The following IFI27L1 variants were observed in gnomAD, a reference collection of about 807,000 sequenced individuals.
IFI27L1 encodes the protein interferon alpha-inducible protein 27-like protein 1.
In IFI27L1, 3 loss-of-function variants were observed where a neutral mutation model predicts 9.2. The observed-to-expected ratio is 0.32, with a 90% CI of 0.15 to 0.84. The LOEUF (loss-of-function observed/expected upper bound fraction) is 0.84, where lower values mean the gene tolerates loss of function less well. Among genes scored for constraint, IFI27L1 ranks in the 40% least tolerant of loss-of-function variants. The probability of loss-of-function intolerance (pLI) is 0.56; values close to 1 mark genes in which losing one functional copy is unlikely to be tolerated. For synonymous variants in IFI27L1, 53 were observed against 50.0 expected (o/e 1.06, Z -0.26); for missense variants, 133 against 134.2 (o/e 0.99, Z 0.05).
chr14:94,100,661 TGGG>T, intron 2 of IFI27L1, 75 bp from the exon 3 acceptor site: 2 of 1,600,280 alleles, frequency 1.2e-6, no homozygotes, highest in Non-Finnish European at 1.7e-6. Flanking sequence ...GAATTTGAGA[TGGG>T]GGTATCAGAG....
chr14:94,084,637 A>G (rs779968104), intron 1 of IFI27L1, among the ~76,000 whole-genome samples: 2 of 152,204 alleles, frequency 1.3e-5, no homozygotes, highest in Non-Finnish European at 2.9e-5. Context: ...TGGGAAGCAT[A>G]TTACAGAAGC....
At chr14:94,097,734 A>C (rs1886725353) in intron 2 of IFI27L1, 3 of 701,406 alleles carry the variant, frequency 4.3e-6, no homozygotes, top group Admixed American at 2.0e-5. Context: ...TGTGGAGTCA[A>C]GGAGGACTCC....
At chr14:94,100,067 A>G (rs1469023045) in intron 2 of IFI27L1, among the ~76,000 whole-genome samples, 2 of 152,202 alleles carry the variant, frequency 1.3e-5, no homozygotes, top group Non-Finnish European at 2.9e-5. Flanking sequence ...CTGAGGGAAT[A>G]TGGGGCATAG....
chr14:94,095,310 T>A (rs913852313), intron 1 of IFI27L1, among the ~76,000 whole-genome samples: 1 of 151,986 alleles, frequency 6.6e-6, no homozygotes, highest in East Asian at 1.9e-4. Flanking sequence ...TAACTGGGAT[T>A]ATAGGTGCCA....
chr14:94,089,491 T>C (rs1488561008), intron 1 of IFI27L1, among the ~76,000 whole-genome samples: 1 of 152,208 alleles, frequency 6.6e-6, no homozygotes, highest in African/African-American at 2.4e-5. Flanking sequence ...TAATGAGCAA[T>C]GAGGATGACC....
At chr14:94,099,917 G>A (rs558291795) in intron 2 of IFI27L1, among the ~76,000 whole-genome samples, 3 of 152,292 alleles carry the variant, frequency 2.0e-5, no homozygotes, top group East Asian at 1.9e-4. Context: ...CAGGCTACAC[G>A]TGGCTCTTGA....
intron 1 of IFI27L1, among the ~76,000 whole-genome samples, chr14:94,083,311 A>C (rs1886173272): frequency 6.6e-6 from 1 of 152,272 alleles, no homozygotes; most frequent in Admixed American, 6.5e-5. Flanking sequence ...GTTTCTTGAG[A>C]TACAATCTAC....
At chr14:94,091,020 A>G (rs528788527) in intron 1 of IFI27L1, among the ~76,000 whole-genome samples, 10 of 152,384 alleles carry the variant, frequency 6.6e-5, no homozygotes, top group Non-Finnish European at 1.2e-4. Flanking sequence ...GGAAAAAGTC[A>G]GAAAGATTGG....
chr14:94,100,506 G>C (rs1388855183), intron 2 of IFI27L1: 2 of 985,322 alleles, frequency 2.0e-6, no homozygotes, highest in African/African-American at 1.7e-5. Context: ...CTGGGCAGAG[G>C]AGACAGGTGA....
intron 1 of IFI27L1, 137 bp from the exon 2 acceptor site, chr14:94,096,750 T>G (rs1209733607): frequency 4.4e-5 from 21 of 482,628 alleles, no homozygotes; most frequent in Middle Eastern, 7.8e-4. Flanking sequence ...TACTCAAAAG[T>G]GGGTTTACGG....
At chr14:94,090,274 GA>G (rs1188537495) in intron 1 of IFI27L1, among the ~76,000 whole-genome samples, 3 of 152,094 alleles carry the variant, frequency 2.0e-5, no homozygotes, top group Non-Finnish European at 2.9e-5. Flanking sequence ...CTAAATTGCA[GA>G]AAAAAACTCA....
At chr14:94,086,706 C>T (rs948701324) in intron 1 of IFI27L1, among the ~76,000 whole-genome samples, 7 of 152,124 alleles carry the variant, frequency 4.6e-5, no homozygotes, top group African/African-American at 1.7e-4. Flanking sequence ...CTTAGAAGAA[C>T]TTTTGCAAAT....
rs1567073734 is a variant in IFI27L1, at chr14:94,102,704, A to G, written c.*136A>G. The G allele has an allele frequency of 3.9e-6, 2 of 511,748 alleles. No homozygotes were observed. Among genetic ancestry groups the G allele is most frequent in the Non-Finnish European group, 6.8e-6 (2 of 293,320 alleles). 31.7% of individuals were successfully genotyped at this position (511,748 alleles called of 1,614,324 possible). ...AGCATGAAAAATAAAGATGCTGGTT[A>G]TCTTCTCCTAGTGTCGGTTCTCTGT... On this transcript the variant is annotated 3_prime_UTR_variant, in exon 5 of 5. Coordinates refer to ENST00000555523, the MANE Select transcript of IFI27L1 (RefSeq NM_206949.3).
chr14:94,092,799 T>C (rs1886526700), intron 1 of IFI27L1, among the ~76,000 whole-genome samples: 1 of 152,228 alleles, frequency 6.6e-6, no homozygotes, highest in South Asian at 2.1e-4. Flanking sequence ...TGGGAGATAA[T>C]TGAATCACCG....
At chr14:94,098,420 G>A (rs72702317) in intron 2 of IFI27L1, among the ~76,000 whole-genome samples, 17,767 of 152,072 alleles carry the variant, frequency 0.12, 1,577 homozygotes, top group East Asian at 0.49. Context: ...TCCCTTACAA[G>A]GACCTCAGTC....
At chr14:94,100,203 G>C (rs531834693) in intron 2 of IFI27L1, 1 of 878,904 alleles carries the variant, frequency 1.1e-6, no homozygotes, top group Non-Finnish European at 1.4e-6. Flanking sequence ...GGGAGGTCCT[G>C]AGCCATGAGC....
rs764826969 is a variant in IFI27L1 at position 94,100,727 on chromosome 14, T to TG, written c.29-12_29-11insG. The stretch of plus-strand genomic sequence containing the variant: ...GTTTGTTTGTTGTTGTTGTTGTTGT[T>TG]TTTGTCTCCAGGCAGGGCTGCTGTA... On this transcript the variant is annotated splice_polypyrimidine_tract_variant and intron_variant, in intron 2 of 4. Transcript: ENST00000555523. 2.4e-5 allele frequency: 39 copies of TG among 1,612,898 alleles called. No homozygotes were observed. The highest frequency in any genetic ancestry group is 1.6e-4 in the Middle Eastern group (1 of 6,072).
Position 94,100,995 on chromosome 14 carries a change from T to G in IFI27L1, c.61+224T>G, listed in dbSNP as rs778271852. 11 of 614,012 alleles carry G rather than the reference T, an allele frequency of 1.8e-5. 1 individual carries two copies. In the South Asian group the frequency reaches 2.1e-4, roughly 12 times the overall value. 38.0% of individuals were successfully genotyped at this position (614,012 alleles called of 1,614,324 possible). A position where few individuals can be genotyped will look rare whatever the true frequency, so the allele number is the denominator to read the frequency against. On this transcript the variant is annotated intron_variant, in intron 3 of 4. Transcript: ENST00000555523. ...GCCAGAGCTGGGGCTACTCTCAGCT[T>G]CCACCAAGTACAAACCATGCAACCC...
At chr14:94,102,292 G>C (rs971283603) in intron 4 of IFI27L1, among the ~76,000 whole-genome samples, 185 bp from the exon 5 acceptor site, 2 of 151,936 alleles carry the variant, frequency 1.3e-5, no homozygotes, top group Non-Finnish European at 2.9e-5. Flanking sequence ...TCCTCTTCGG[G>C]CAGTGGCCTG....
Sources: gnomAD v4.1 joint callset for allele counts (sites outside exome capture counted in the v4.1 genomes callset) on GRCh38, gnomAD v4.1.1 for gene constraint, MANE v1.5 for transcripts, NCBI Gene and HGNC (gene_info 2026-07-23, HGNC 2026-07-21) for gene names.